The following DDX10 variants were observed in gnomAD, a reference collection of about 807,000 sequenced individuals.
DDX10 encodes probable ATP-dependent RNA helicase DDX10.
A neutral mutation model predicts 104.3 loss-of-function variants in DDX10; 74 were observed. That is an observed-to-expected ratio of 0.71 (90% CI 0.59 to 0.86). The LOEUF (loss-of-function observed/expected upper bound fraction) is 0.86. Ranked by LOEUF, DDX10 falls within the 40% of genes least tolerant of loss-of-function variation. The pLI, the probability that DDX10 is intolerant of heterozygous loss-of-function variation, is 0.00. For synonymous variants in DDX10, 351 were observed against 353.4 expected, an observed-to-expected ratio of 0.99 and a Z score of 0.08; for missense variants, 952 against 1,040.0, an observed-to-expected ratio of 0.92 and a Z score of 1.16.
chr11:108,803,582 GAAAA>G (rs34367715), intron 13 of DDX10, among the ~76,000 whole-genome samples: 4 of 22,466 alleles, frequency 1.8e-4, no homozygotes, highest in East Asian at 1.9e-3. Context: ...CAACAAGAGC[GAAAA>G]AAAAAAAAAA....
At chr11:108,684,170 G>GTT (rs2094239649) in intron 6 of DDX10, among the ~76,000 whole-genome samples, 2 of 35,632 alleles carry the variant, frequency 5.6e-5, no homozygotes, top group South Asian at 1.1e-3. Flanking sequence ...TAAGGTTATA[G>GTT]ATTTTCTTTT....
chr11:108,833,745 CTG>C (rs1862507036), intron 13 of DDX10, among the ~76,000 whole-genome samples: 1 of 152,148 alleles, frequency 6.6e-6, no homozygotes, highest in Non-Finnish European at 1.5e-5. Context: ...AGGATCCACT[CTG>C]CAGGATTGTT....
intron 13 of DDX10, among the ~76,000 whole-genome samples, chr11:108,758,501 A>G (rs1332484094): frequency 6.6e-6 from 1 of 152,116 alleles, no homozygotes; most frequent in Non-Finnish European, 1.5e-5. Flanking sequence ...ACACAAAGTT[A>G]TCTTAGAGTT....
At chr11:108,678,587 C>T (rs2094229585) in intron 5 of DDX10, 152 bp downstream of exon 5, 1 of 842,286 alleles carries the variant, frequency 1.2e-6, no homozygotes. Context: ...CATTTGGGCT[C>T]TAAACCCAGA....
chr11:108,875,532 C>T (rs1863140075), intron 16 of DDX10, among the ~76,000 whole-genome samples: 1 of 152,154 alleles, frequency 6.6e-6, no homozygotes, highest in African/African-American at 2.4e-5. Flanking sequence ...AAGCTCTCAT[C>T]AGAATGCCTT....
intron 13 of DDX10, among the ~76,000 whole-genome samples, chr11:108,802,209 T>C (rs1293258615): frequency 6.6e-6 from 1 of 152,074 alleles, no homozygotes; most frequent in Non-Finnish European, 1.5e-5. Flanking sequence ...TTTTGGAATA[T>C]TTGCATTATA....
At chr11:108,936,427 T>C (rs779254078) in intron 17 of DDX10, among the ~76,000 whole-genome samples, 1 of 152,204 alleles carries the variant, frequency 6.6e-6, no homozygotes, top group Non-Finnish European at 1.5e-5. Context: ...TATACCTAGC[T>C]ACCCAGAACT....
chr11:108,790,757 CT>C (rs1346796924), intron 13 of DDX10, among the ~76,000 whole-genome samples: 1 of 151,058 alleles, frequency 6.6e-6, no homozygotes, highest in Admixed American at 6.6e-5. Flanking sequence ...CATGGTCTCT[CT>C]TTTTGTTTTT....
chr11:108,802,342 C>A (rs1256276180), intron 13 of DDX10, among the ~76,000 whole-genome samples: 1 of 152,040 alleles, frequency 6.6e-6, no homozygotes, highest in Non-Finnish European at 1.5e-5. Context: ...GCTTAACCTT[C>A]AATAGTGAGT....
chr11:108,852,781 T>C (rs950210165), intron 16 of DDX10, among the ~76,000 whole-genome samples: 1 of 151,710 alleles, frequency 6.6e-6, no homozygotes, highest in Non-Finnish European at 1.5e-5. Flanking sequence ...ATGATTTTTA[T>C]CTAATGTGTT....
intron 13 of DDX10, among the ~76,000 whole-genome samples, chr11:108,757,301 G>A (rs2094345629): frequency 6.6e-6 from 1 of 151,936 alleles, no homozygotes; most frequent in Admixed American, 6.6e-5. Context: ...CAACTTTTGT[G>A]TATCTGTCTG....
At chr11:108,801,308 A>AG in intron 13 of DDX10, among the ~76,000 whole-genome samples, 1 of 152,228 alleles carries the variant, frequency 6.6e-6, no homozygotes, top group Non-Finnish European at 1.5e-5. Flanking sequence ...ACTGCCATAG[A>AG]ATCAGCTAGT....
At chr11:108,753,971 C>T (rs2094341524) in intron 13 of DDX10, among the ~76,000 whole-genome samples, 1 of 151,946 alleles carries the variant, frequency 6.6e-6, no homozygotes, top group Non-Finnish European at 1.5e-5. Context: ...TATTGGCTGT[C>T]TTTTCCCTTT....
At chr11:108,666,435 G>A (rs1455622295) in intron 1 of DDX10, among the ~76,000 whole-genome samples, 1 of 152,060 alleles carries the variant, frequency 6.6e-6, no homozygotes, top group Admixed American at 6.5e-5. Flanking sequence ...AGCCCAGATC[G>A]CACCATTGCA....
At chr11:108,724,951 T>C (rs1040811423) in intron 13 of DDX10, among the ~76,000 whole-genome samples, 2 of 152,086 alleles carry the variant, frequency 1.3e-5, no homozygotes, top group Non-Finnish European at 2.9e-5. Flanking sequence ...CAATTAAGAA[T>C]AGAACAGCGT....
In DDX10 at chr11:108,741,951, C is replaced by G. The variant is rs560552290; in HGVS notation, c.1965+18489C>G. Among the ~76,000 whole-genome samples, 7 of 152,176 alleles carry G rather than the reference C, an allele frequency of 4.6e-5. No individual in the cohort carries two copies. The East Asian group carries it at 1.4e-3, about 29-fold the overall frequency. On this transcript the variant is annotated intron_variant, in intron 13 of 17. Transcript: ENST00000322536. The stretch of plus-strand genomic sequence containing the variant: ...GTAAAATTAGAGCAGAACTGAAGGA[C>G]ATTGAGACACACAAAAAAACATGCA...
Position 108,940,251 on chromosome 11 carries a change from C to A in DDX10, c.2456C>A (p.Thr819Asn). Residue 819 changes from threonine to asparagine, a missense_variant, in exon 18 of 18, where the codon ACC (threonine) becomes AAC (asparagine). This residue lies in a region of DDX10 where 533 missense variants were observed against 534.1 expected (regional missense o/e 1.00). Coordinates refer to ENST00000322536, the MANE Select transcript of DDX10 (RefSeq NM_004398.4). ...SEDMENKISD[T>N]KKKQGMKKRS... ...TTTGGATTTCTTCTCACCAGTGATACCAAGAAGAAGCAGGGGATGAAGAAG... is the reference window on the plus strand; with the variant it reads ...TTTGGATTTCTTCTCACCAGTGATAACAAGAAGAAGCAGGGGATGAAGAAG... 6.2e-7 allele frequency: 1 copy of A among 1,613,472 alleles called. No homozygotes were observed. The highest frequency in any genetic ancestry group is 8.5e-7 in the Non-Finnish European group (1 of 1,179,828).
intron 13 of DDX10, 28 bp downstream of exon 13, chr11:108,723,490 C>A: frequency 6.3e-7 from 1 of 1,585,896 alleles, no homozygotes; most frequent in Admixed American, 1.8e-5. Flanking sequence ...GGAGGGTCTT[C>A]TATTACATTG....
At chr11:108,739,401 C>G (rs1565263841) in intron 13 of DDX10, among the ~76,000 whole-genome samples, 1 of 152,188 alleles carries the variant, frequency 6.6e-6, no homozygotes, top group Admixed American at 6.5e-5. Context: ...CCAAAGTGTG[C>G]TTTCTGAGCA....
Sources: allele counts gnomAD v4.1 joint callset (sites outside exome capture counted in the v4.1 genomes callset), GRCh38; gene constraint gnomAD v4.1.1; regional missense constraint gnomAD v4.1.1; transcripts MANE v1.5; gene names NCBI Gene and HGNC (gene_info 2026-07-23, HGNC 2026-07-21).